ARHGAP32: variants seen among roughly 807,000 people sequenced by gnomAD.
ARHGAP32 encodes rho GTPase-activating protein 32.
A neutral mutation model predicts 186.5 loss-of-function variants in ARHGAP32; 51 were observed. The ratio of observed to expected loss-of-function variants is 0.27; its 90% CI spans 0.22 to 0.35. The LOEUF (loss-of-function observed/expected upper bound fraction) is 0.35. Ranked by LOEUF, ARHGAP32 falls within the 10% of genes least tolerant of loss-of-function variation. The probability of loss-of-function intolerance (pLI) is 1.00; values close to 1 mark genes in which losing one functional copy is unlikely to be tolerated. For synonymous variants in ARHGAP32, 950 were observed against 964.3 expected, an observed-to-expected ratio of 0.99 and a Z score of 0.27; for missense variants, 2,186 against 2,623.5, an observed-to-expected ratio of 0.83 and a Z score of 3.64.
chr11:129,033,507 A>C (rs971665485), intron 11 of ARHGAP32, among the ~76,000 whole-genome samples: 1 of 152,108 alleles, frequency 6.6e-6, no homozygotes, highest in African/African-American at 2.4e-5. Flanking sequence ...ACTCTTTACA[A>C]CTCCTTTGTC....
At position 128,970,327 on chromosome 11, in the gene ARHGAP32, C is replaced by G; in HGVS notation, c.4886G>C (p.Arg1629Thr). 6.2e-7 allele frequency: 1 copy of G among 1,614,136 alleles called. No individual in the cohort carries two copies. Among genetic ancestry groups the G allele is most frequent in the Non-Finnish European group, 8.5e-7 (1 of 1,180,028 alleles). Residue 1629 changes from arginine (R) to threonine (T), a missense_variant, in exon 23 of 23, where the codon AGA becomes ACA. This residue lies in a region of ARHGAP32 where 1,502 missense variants were observed against 1,570.0 expected (regional missense o/e 0.96). Coordinates refer to ENST00000682385, the MANE Select transcript of ARHGAP32 (RefSeq NM_001378024.1). This position sits in a 1 kb window ranked among gnomAD's most constrained non-coding sequence, Gnocchi z 5.8. ...ATATGGCTTATATTGGTACAGAGGTCTTGGGCAGTAGGCTGGCTCATCATC... is the reference window on the plus strand; with the variant it reads ...ATATGGCTTATATTGGTACAGAGGTGTTGGGCAGTAGGCTGGCTCATCATC... ...PPDDEPAYCP[R>T]PLYQYKPYQS...
chr11:129,254,590 A>C lies in ARHGAP32; in HGVS notation c.-5+24556T>G, dbSNP rs528770080. Among the ~76,000 whole-genome samples the C allele has an allele frequency of 5.1e-4, 78 of 152,242 alleles. 1 individual carries two copies. The highest frequency in any genetic ancestry group is 1.7e-3 in the African/African-American group (71 of 41,566). On this transcript the variant is annotated intron_variant, in intron 1 of 6. Transcript: ENST00000525234. ...CAATATCAAGTTGGTACTAACAAAG[A>C]TCATTGCCTTTAAATGTCACACACA...
At chr11:129,150,114 CAAA>C (rs61492745) in intron 2 of ARHGAP32, among the ~76,000 whole-genome samples, 1 of 78,176 alleles carries the variant, frequency 1.3e-5, no homozygotes, top group Non-Finnish European at 2.8e-5. Flanking sequence ...CTGACAAAGA[CAAA>C]AAAAAAAAAA....
chr11:129,150,721 T>C (rs749162137), intron 2 of ARHGAP32, among the ~76,000 whole-genome samples: 12 of 152,246 alleles, frequency 7.9e-5, no homozygotes, highest in East Asian at 5.8e-4. Flanking sequence ...AACAGAGTTC[T>C]AGATCTTGAA....
chr11:129,248,761 C>T (rs867418325), intron 1 of ARHGAP32, among the ~76,000 whole-genome samples: 4 of 152,180 alleles, frequency 2.6e-5, no homozygotes, highest in Non-Finnish European at 5.9e-5. Context: ...ACACGTGCTT[C>T]CCCATCAGTA....
intron 11 of ARHGAP32, chr11:129,030,602 A>G (rs999137950): frequency 6.6e-6 from 1 of 152,180 alleles, no homozygotes; most frequent in Non-Finnish European, 1.5e-5. Context: ...GCTTTAATGT[A>G]TATCTGTTAA....
At chr11:129,046,314 T>C (rs185737765) in intron 10 of ARHGAP32, among the ~76,000 whole-genome samples, 2 of 149,140 alleles carry the variant, frequency 1.3e-5, no homozygotes, top group Admixed American at 6.6e-5. Context: ...TTGTTTTTAA[T>C]ACAATTCATT....
At chr11:129,058,352 C>G (rs1940351109) in intron 10 of ARHGAP32, among the ~76,000 whole-genome samples, 1 of 151,686 alleles carries the variant, frequency 6.6e-6, no homozygotes, top group African/African-American at 2.4e-5. Context: ...TATGAAGTAC[C>G]AGGAATTCAG....
At chr11:129,030,238 G>A (rs1479339828) in intron 11 of ARHGAP32, among the ~76,000 whole-genome samples, 1 of 152,128 alleles carries the variant, frequency 6.6e-6, no homozygotes, top group Non-Finnish European at 1.5e-5. Context: ...ATATAAATGT[G>A]TGGTCACTTC....
At chr11:129,249,654 A>T (rs1052672004) in intron 1 of ARHGAP32, among the ~76,000 whole-genome samples, 1 of 152,230 alleles carries the variant, frequency 6.6e-6, no homozygotes, top group Non-Finnish European at 1.5e-5. Flanking sequence ...GAGTGAGACT[A>T]TAAGAAGAAG....
intron 6 of ARHGAP32, among the ~76,000 whole-genome samples, chr11:129,092,503 T>A (rs1941607997): frequency 6.6e-6 from 1 of 151,962 alleles, no homozygotes; most frequent in African/African-American, 2.4e-5. Context: ...TTATGAAATA[T>A]GACATGAAAC....
intron 10 of ARHGAP32, among the ~76,000 whole-genome samples, chr11:129,044,280 T>C (rs528956884): frequency 6.6e-6 from 1 of 152,344 alleles, no homozygotes; most frequent in South Asian, 2.1e-4. Context: ...AATGCATTGA[T>C]TTGTTAACTA....
intron 11 of ARHGAP32, among the ~76,000 whole-genome samples, chr11:129,038,762 G>A (rs1249396713): frequency 1.3e-5 from 2 of 150,076 alleles, no homozygotes; most frequent in Non-Finnish European, 2.9e-5. Context: ...CGGCATGCAC[G>A]TGTAATGTCA....
At chr11:129,116,136 G>C (rs1942362160) in intron 5 of ARHGAP32, among the ~76,000 whole-genome samples, 1 of 152,068 alleles carries the variant, frequency 6.6e-6, no homozygotes, top group African/African-American at 2.4e-5. Context: ...GAGAGACAGA[G>C]AAAGAGAGAG....
At chr11:129,251,958 C>T (rs150997538) in intron 1 of ARHGAP32, among the ~76,000 whole-genome samples, 249 of 149,146 alleles carry the variant, frequency 1.7e-3, no homozygotes, top group Non-Finnish European at 2.6e-3. Context: ...AGTACCATTA[C>T]CACAAATAAG....
In ARHGAP32 at chr11:129,113,579, T is replaced by G. The variant is rs369088450; in HGVS notation, c.444+9867A>C. Reference sequence around the variant, plus strand: ...TTTTCTTAGTTTTTTTCCAGATTTCTAGGCTGCATGGTTCATCTGCAAGTT... The same window carrying G: ...TTTTCTTAGTTTTTTTCCAGATTTCGAGGCTGCATGGTTCATCTGCAAGTT... On this transcript the variant is annotated intron_variant, in intron 5 of 22. Coordinates refer to ENST00000682385, the MANE Select transcript of ARHGAP32 (RefSeq NM_001378024.1). Among the ~76,000 whole-genome samples the G allele has an allele frequency of 2.6e-5, 4 of 152,164 alleles. No homozygotes were observed. The East Asian group carries it at 5.8e-4, about 22-fold the overall frequency.
chr11:129,066,483 T>C (rs1420351157), intron 7 of ARHGAP32, among the ~76,000 whole-genome samples: 1 of 152,042 alleles, frequency 6.6e-6, no homozygotes, highest in African/African-American at 2.4e-5. Context: ...CTGGAGAATG[T>C]TTTGCTCATA....
At chr11:129,042,086 T>A (rs1939617675) in intron 10 of ARHGAP32, among the ~76,000 whole-genome samples, 2 of 152,254 alleles carry the variant, frequency 1.3e-5, no homozygotes, top group South Asian at 4.1e-4. Flanking sequence ...ATGGTAGTTG[T>A]TAAAATTGTG....
intron 22 of ARHGAP32, chr11:128,971,967 C>T (rs540575512): frequency 6.6e-6 from 1 of 152,670 alleles, no homozygotes; most frequent in South Asian, 2.1e-4. Flanking sequence ...ACTATAATCT[C>T]TTATACTTCC....
Sources: allele counts gnomAD v4.1 joint callset (sites outside exome capture counted in the v4.1 genomes callset), GRCh38; gene constraint gnomAD v4.1.1; regional missense constraint gnomAD v4.1.1; non-coding constraint Gnocchi (gnomAD v3.1); transcripts MANE v1.5; gene names NCBI Gene and HGNC (gene_info 2026-07-23, HGNC 2026-07-21).